Variants in COL24A1 observed in about 807,000 individuals in gnomAD.
COL24A1 encodes the protein collagen type XXIV alpha 1 chain.
Under a neutral mutation model 253.9 loss-of-function variants are expected in COL24A1, and 224 were observed. The ratio of observed to expected loss-of-function variants is 0.88; its 90% CI spans 0.79 to 0.99. COL24A1 has a LOEUF of 0.99. COL24A1 is among the 50% of genes least tolerant of loss of function. COL24A1 has a pLI of 0.00. For synonymous variants in COL24A1, 685 were observed against 673.7 expected (o/e 1.02, Z -0.26); for missense variants, 2,131 against 2,068.5 (o/e 1.03, Z -0.59).
At chr1:85,792,051 T>A (rs1021899891) in intron 47 of COL24A1, among the ~76,000 whole-genome samples, 1 of 152,172 alleles carries the variant, frequency 6.6e-6, no homozygotes, top group African/African-American at 2.4e-5. Context: ...ATTTCATGAA[T>A]AAACATTTTG....
At chr1:85,994,410 T>G (rs1694571858) in intron 19 of COL24A1, among the ~76,000 whole-genome samples, 1 of 83,898 alleles carries the variant, frequency 1.2e-5, no homozygotes, top group Non-Finnish European at 2.6e-5. Context: ...AAAGTTATCC[T>G]GAAAAAAAAA....
intron 47 of COL24A1, among the ~76,000 whole-genome samples, chr1:85,807,381 A>G (rs1000403119): frequency 6.6e-5 from 10 of 152,238 alleles, no homozygotes; most frequent in African/African-American, 1.7e-4. Context: ...GTTCTCTGAT[A>G]TAAATGGGAA....
intron 24 of COL24A1, among the ~76,000 whole-genome samples, chr1:85,946,015 C>T (rs903131451): frequency 1.3e-5 from 2 of 152,240 alleles, no homozygotes; most frequent in African/African-American, 2.4e-5. Flanking sequence ...GGACAGTTCC[C>T]AGCATTTCCA....
At chr1:86,119,647 T>A (rs761235170) in intron 3 of COL24A1, among the ~76,000 whole-genome samples, 2 of 152,154 alleles carry the variant, frequency 1.3e-5, no homozygotes, top group Admixed American at 6.5e-5. Context: ...TAAGATGGTG[T>A]TTTAGGCAGC....
intron 19 of COL24A1, among the ~76,000 whole-genome samples, chr1:86,008,720 C>T (rs1014638739): frequency 8.6e-5 from 13 of 152,030 alleles, no homozygotes; most frequent in Middle Eastern, 3.4e-3. Context: ...TTGAAAATTA[C>T]ATGATAGCAT....
chr1:85,824,569 T>A (rs1363495174), intron 43 of COL24A1, among the ~76,000 whole-genome samples: 1 of 152,172 alleles, frequency 6.6e-6, no homozygotes, highest in East Asian at 1.9e-4. Context: ...GAGCAGTTAC[T>A]GGGAGGTATT....
chr1:86,132,275 A>G (rs891155860), intron 2 of COL24A1, among the ~76,000 whole-genome samples: 4 of 152,212 alleles, frequency 2.6e-5, no homozygotes, highest in African/African-American at 9.6e-5. Context: ...GCCCTTTGTC[A>G]GATGAGTAGA....
intron 7 of COL24A1, among the ~76,000 whole-genome samples, chr1:86,068,016 A>G (rs2101818641): frequency 6.6e-6 from 1 of 152,386 alleles, no homozygotes. Context: ...AAAACACATT[A>G]CAATGAATTA....
chr1:86,112,388 T>G (rs550637565), intron 5 of COL24A1, among the ~76,000 whole-genome samples, 179 bp downstream of exon 5: 156 of 152,288 alleles, frequency 1.0e-3, no homozygotes, highest in African/African-American at 3.5e-3. Flanking sequence ...ATGGTGGGCT[T>G]TCAGAGGAAC....
chr1:86,024,371 T>C (rs1368963233), intron 14 of COL24A1, among the ~76,000 whole-genome samples: 4 of 152,124 alleles, frequency 2.6e-5, no homozygotes, highest in Non-Finnish European at 1.5e-5. Context: ...AACTGGCAGA[T>C]AATGGTTCTG....
At chr1:86,124,247 A>G (rs906547263) in intron 3 of COL24A1, among the ~76,000 whole-genome samples, 1 of 151,792 alleles carries the variant, frequency 6.6e-6, no homozygotes, top group African/African-American at 2.4e-5. Flanking sequence ...CACTGAATTG[A>G]CTGATAACTG....
intron 7 of COL24A1, among the ~76,000 whole-genome samples, chr1:86,072,683 T>C (rs967709549): frequency 6.6e-6 from 1 of 152,148 alleles, no homozygotes; most frequent in African/African-American, 2.4e-5. Context: ...CCGTGCCTCG[T>C]GATTGGGAGA....
intron 35 of COL24A1, among the ~76,000 whole-genome samples, chr1:85,870,990 ATGCAATAAAAAATGATAAAGGGGT>A (rs1680404240): frequency 6.6e-6 from 1 of 152,180 alleles, no homozygotes; most frequent in South Asian, 2.1e-4. Flanking sequence ...AATCAAATAG[ATGCAATAAAAAATGATAAAGGGGT>A]TATCACCACC....
At chr1:85,761,276 A>G in intron 55 of COL24A1, 120 bp downstream of exon 55, 1 of 1,132,350 alleles carries the variant, frequency 8.8e-7, no homozygotes, top group Non-Finnish European at 1.3e-6. Flanking sequence ...CAGGTTAGCA[A>G]AAAAGAACAG....
At position 85,761,439 on chromosome 1, in the gene COL24A1, T is replaced by G; in HGVS notation, c.4411-17A>C. On this transcript the variant is annotated splice_polypyrimidine_tract_variant and intron_variant, in intron 54 of 59. Transcript: ENST00000370571. Reference sequence around the variant, plus strand: ...AGGTGGACCCTAGAACACAGCAAATTAAAAAAAATACACATTTATTTAGTA... The same window carrying G: ...AGGTGGACCCTAGAACACAGCAAATGAAAAAAAATACACATTTATTTAGTA... 1 of 1,613,262 alleles carries G rather than the reference T, an allele frequency of 6.2e-7. No individual in the cohort carries two copies. The highest frequency in any genetic ancestry group is 1.3e-5 in the African/African-American group (1 of 74,946).
intron 20 of COL24A1, among the ~76,000 whole-genome samples, chr1:85,985,967 C>T (rs1693688836): frequency 6.6e-6 from 1 of 151,760 alleles, no homozygotes; most frequent in African/African-American, 2.4e-5. Context: ...AAATATTGCA[C>T]CTCCACCTTT....
chr1:85,773,156 G>A (rs1668156225), intron 53 of COL24A1, among the ~76,000 whole-genome samples: 1 of 152,130 alleles, frequency 6.6e-6, no homozygotes, highest in Non-Finnish European at 1.5e-5. Context: ...TGTGTGTCAG[G>A]TTTGTCAAAC....
At chr1:85,900,901 A>G (rs1445403888) in intron 28 of COL24A1, among the ~76,000 whole-genome samples, 2 of 152,324 alleles carry the variant, frequency 1.3e-5, no homozygotes, top group African/African-American at 4.8e-5. Flanking sequence ...ATATACAAAA[A>G]TCAACCCAAA....
intron 7 of COL24A1, among the ~76,000 whole-genome samples, chr1:86,072,605 G>A (rs190149747): frequency 3.3e-5 from 5 of 152,232 alleles, no homozygotes; most frequent in Non-Finnish European, 4.4e-5. Flanking sequence ...AGAGAGCAAC[G>A]GATCTCCCAG....
Sources: gnomAD v4.1 joint callset for allele counts (sites outside exome capture counted in the v4.1 genomes callset) on GRCh38, gnomAD v4.1.1 for gene constraint, MANE v1.5 for transcripts, NCBI Gene and HGNC (gene_info 2026-07-23, HGNC 2026-07-21) for gene names.